Variants in NKAIN2 observed in about 807,000 individuals in gnomAD.
The protein encoded by NKAIN2 is sodium/potassium-transporting ATPase subunit beta-1-interacting protein 2.
NKAIN2 carries 14 observed loss-of-function variants against 32.6 expected under a neutral mutation model. That is an observed-to-expected ratio of 0.43 (90% CI 0.28 to 0.67). The LOEUF (loss-of-function observed/expected upper bound fraction) is 0.67. Among genes scored for constraint, NKAIN2 ranks in the 30% least tolerant of loss-of-function variants. The pLI, the probability that NKAIN2 is intolerant of heterozygous loss-of-function variation, is 0.17. For synonymous variants in NKAIN2, 80 were observed against 87.2 expected, an observed-to-expected ratio of 0.92 and a Z score of 0.46; for missense variants, 198 against 258.3, an observed-to-expected ratio of 0.77 and a Z score of 1.60.
In NKAIN2 at chr6:124,073,198, C is replaced by T. The variant is rs1473036745; in HGVS notation, c.55-209807C>T. Among the ~76,000 whole-genome samples, 6 of 152,290 alleles carry T rather than the reference C, an allele frequency of 3.9e-5. No individual in the cohort carries two copies. In the East Asian group the frequency reaches 5.8e-4, roughly 15 times the overall value. ...TGTAACCTCAAAGAAAACAATTCCC[C>T]GGGAGATTCCCAAGGACTCAGCCCT... On this transcript the variant is annotated intron_variant, in intron 1 of 6. Transcript: ENST00000368417.
At chr6:124,344,850 C>T in intron 2 of NKAIN2, among the ~76,000 whole-genome samples, 1 of 152,136 alleles carries the variant, frequency 6.6e-6, no homozygotes, top group East Asian at 1.9e-4. Flanking sequence ...ATTGCCCTGG[C>T]CAGAACTTCC....
At chr6:123,840,354 T>C (rs1221096855) in intron 1 of NKAIN2, among the ~76,000 whole-genome samples, 1 of 152,012 alleles carries the variant, frequency 6.6e-6, no homozygotes, top group Non-Finnish European at 1.5e-5. Context: ...TATACAACCA[T>C]AGGGAAAAAA....
At chr6:124,717,721 C>T (rs149852540) in intron 4 of NKAIN2, among the ~76,000 whole-genome samples, 2 of 152,196 alleles carry the variant, frequency 1.3e-5, no homozygotes, top group African/African-American at 4.8e-5. Flanking sequence ...AAAAACAAAT[C>T]TCTTCAACTA....
intron 2 of NKAIN2, among the ~76,000 whole-genome samples, chr6:124,327,308 A>G (rs1278066133): frequency 6.6e-6 from 1 of 152,114 alleles, no homozygotes. Context: ...TTAAAATTAT[A>G]TCTTCTATTT....
intron 3 of NKAIN2, among the ~76,000 whole-genome samples, chr6:124,412,805 T>G (rs979280798): frequency 2.0e-5 from 3 of 152,168 alleles, no homozygotes; most frequent in African/African-American, 4.8e-5. Context: ...GCCTCCTTGA[T>G]CTGTGGTGGG....
chr6:124,283,025 A>G lies in NKAIN2; in HGVS notation c.75A>G (p.Gln25=). The stretch of plus-strand genomic sequence containing the variant: ...TCTAGGTTTGTGTGCTGGAGAGGCA[A>G]ATATTTGACTTCCTTGGATATCAGT... ...GMQLVCVLER[Q]IFDFLGYQWA... The change falls in exon 2 of 7, where the codon CAA becomes CAG. Residue 25 remains glutamine, a synonymous_variant. Transcript: ENST00000368417. 6.2e-7 allele frequency: 1 copy of G among 1,613,844 alleles called. No individual in the cohort carries two copies. The highest frequency in any genetic ancestry group is 8.5e-7 in the Non-Finnish European group (1 of 1,179,836).
At chr6:123,892,787 A>G (rs1774084485) in intron 1 of NKAIN2, among the ~76,000 whole-genome samples, 1 of 151,668 alleles carries the variant, frequency 6.6e-6, no homozygotes, top group Non-Finnish European at 1.5e-5. Context: ...GCATGTACAG[A>G]TGCTAGTCAG....
intron 3 of NKAIN2, among the ~76,000 whole-genome samples, chr6:124,577,149 T>G (rs1430248701): frequency 1.3e-5 from 2 of 152,178 alleles, no homozygotes; most frequent in Non-Finnish European, 2.9e-5. Flanking sequence ...TGGAGCAAGA[T>G]GGCTGAATAG....
chr6:124,077,028 C>T (rs1783726396), intron 1 of NKAIN2, among the ~76,000 whole-genome samples: 1 of 152,206 alleles, frequency 6.6e-6, no homozygotes, highest in Non-Finnish European at 1.5e-5. Context: ...AAAGCACTTA[C>T]TGCATAATGC....
chr6:124,486,918 T>C (rs768804244), intron 3 of NKAIN2, among the ~76,000 whole-genome samples: 2 of 152,066 alleles, frequency 1.3e-5, no homozygotes, highest in East Asian at 1.9e-4. Flanking sequence ...AAGACAGTGG[T>C]TTAAATGCAT....
chr6:123,952,058 C>T (rs73555230), intron 1 of NKAIN2, among the ~76,000 whole-genome samples: 14,164 of 151,996 alleles, frequency 0.093, 1,735 homozygotes, highest in African/African-American at 0.28. Flanking sequence ...TGTAGGACTT[C>T]GTTAAGCATT....
chr6:123,994,373 C>T (rs1252526438), intron 1 of NKAIN2, among the ~76,000 whole-genome samples: 1 of 151,840 alleles, frequency 6.6e-6, no homozygotes, highest in Non-Finnish European at 1.5e-5. Context: ...AATAATTTTC[C>T]CTCTCAATTC....
chr6:124,469,770 G>A (rs935955553), intron 3 of NKAIN2, among the ~76,000 whole-genome samples: 3 of 152,124 alleles, frequency 2.0e-5, no homozygotes, highest in Admixed American at 1.3e-4. Context: ...CCACAATAAA[G>A]TGTAGGCTTC....
intron 4 of NKAIN2, among the ~76,000 whole-genome samples, chr6:124,703,873 G>A (rs1440361589): frequency 6.6e-6 from 1 of 151,880 alleles, no homozygotes; most frequent in Non-Finnish European, 1.5e-5. Flanking sequence ...TGGAATATAT[G>A]TTTAGTAAAT....
At chr6:124,540,038 C>G (rs1236674965) in intron 3 of NKAIN2, among the ~76,000 whole-genome samples, 1 of 152,216 alleles carries the variant, frequency 6.6e-6, no homozygotes, top group East Asian at 1.9e-4. Flanking sequence ...TATTTAAACA[C>G]CAAAGTTTTA....
chr6:124,359,148 C>A (rs1404954464), intron 3 of NKAIN2, among the ~76,000 whole-genome samples: 2 of 152,170 alleles, frequency 1.3e-5, no homozygotes, highest in African/African-American at 4.8e-5. Flanking sequence ...GTTTTGGTAC[C>A]AGTATCATGC....
intron 1 of NKAIN2, among the ~76,000 whole-genome samples, chr6:124,008,262 T>A (rs980216957): frequency 6.6e-6 from 1 of 152,152 alleles, no homozygotes; most frequent in Non-Finnish European, 1.5e-5. Context: ...CAGGGAAAAA[T>A]ATATTTACAT....
chr6:124,530,008 G>T (rs1389692638), intron 3 of NKAIN2, among the ~76,000 whole-genome samples: 1 of 152,206 alleles, frequency 6.6e-6, no homozygotes, highest in Non-Finnish European at 1.5e-5. Flanking sequence ...GAAGAGGCCA[G>T]AGAGCTAGCT....
chr6:124,202,957 A>G (rs1790666886), intron 1 of NKAIN2, among the ~76,000 whole-genome samples: 2 of 151,974 alleles, frequency 1.3e-5, no homozygotes, highest in South Asian at 4.1e-4. Flanking sequence ...TTAGCACAAC[A>G]TTATAGGCAT....
Sources: allele counts gnomAD v4.1 joint callset (sites outside exome capture counted in the v4.1 genomes callset), GRCh38; gene constraint gnomAD v4.1.1; transcripts MANE v1.5; gene names NCBI Gene and HGNC (gene_info 2026-07-23, HGNC 2026-07-21).